Variants in BAIAP2 observed in about 807,000 individuals in gnomAD.
BAIAP2 encodes BAR/IMD domain containing adaptor protein 2, also known as BAR/IMD domain-containing adapter protein 2.
In BAIAP2, 18 loss-of-function variants were observed where a neutral mutation model predicts 63.0. The ratio of observed to expected loss-of-function variants is 0.29; its 90% CI spans 0.20 to 0.42. BAIAP2 has a LOEUF of 0.42. Ranked by LOEUF, BAIAP2 falls within the 10% of genes least tolerant of loss-of-function variation. The probability of loss-of-function intolerance (pLI) is 1.00; values close to 1 mark genes in which losing one functional copy is unlikely to be tolerated. For synonymous variants in BAIAP2, 386 were observed against 307.6 expected, an observed-to-expected ratio of 1.25 and a Z score of -2.67; for missense variants, 610 against 734.3, an observed-to-expected ratio of 0.83 and a Z score of 1.96.
At chr17:81,090,308 C>T (rs1385000741) in intron 6 of BAIAP2, among the ~76,000 whole-genome samples, 1 of 152,222 alleles carries the variant, frequency 6.6e-6, no homozygotes, top group Admixed American at 6.5e-5. Context: ...CAGGATGAGC[C>T]GACATCAACC....
At position 81,100,061 on chromosome 17, in the gene BAIAP2, C is replaced by T; in HGVS notation, c.623C>T (p.Ser208Phe). 6.2e-7 allele frequency: 1 copy of T among 1,611,200 alleles called. No homozygotes were observed. The highest frequency in any genetic ancestry group is 8.5e-7 in the Non-Finnish European group (1 of 1,179,500). ...VEKQCAVAKN[S>F]AAYHSKGKEL... Reference sequence around the variant, plus strand: ...AAGCAGTGCGCCGTGGCCAAGAACTCCGCGGCCTACCACTCCAAGGTGAGG... The same window carrying T: ...AAGCAGTGCGCCGTGGCCAAGAACTTCGCGGCCTACCACTCCAAGGTGAGG... Residue 208 changes from serine to phenylalanine, a missense_variant, in exon 7 of 14, where the codon TCC becomes TTC. Ser to Phe is a radical substitution (Grantham distance 155, BLOSUM62 -2). Transcript: ENST00000428708.
intron 7 of BAIAP2, among the ~76,000 whole-genome samples, chr17:81,102,519 C>T (rs1017359046): frequency 6.6e-6 from 1 of 152,224 alleles, no homozygotes; most frequent in Non-Finnish European, 1.5e-5. Context: ...ATGAATGATT[C>T]ACAAATCGAT....
chr17:81,056,183 C>A (rs1352433424), intron 2 of BAIAP2, among the ~76,000 whole-genome samples: 8 of 152,176 alleles, frequency 5.3e-5, no homozygotes, highest in African/African-American at 1.9e-4. Flanking sequence ...GGGCTTCCAA[C>A]TGTGGTGACC....
intron 13 of BAIAP2, 90 bp downstream of exon 13, chr17:81,108,599 C>G: frequency 5.9e-6 from 9 of 1,529,264 alleles, no homozygotes; most frequent in Non-Finnish European, 6.3e-6. Context: ...CCTGGGGCCA[C>G]CTCTTTTCCT....
In BAIAP2 at chr17:81,036,995, CG is replaced by C. The variant is rs139966410; in HGVS notation, c.54+1688del. The C allele has an allele frequency of 6.3e-4, 950 of 1,504,076 alleles. 6 individuals are homozygous for C. The African/African-American group carries it at 0.012, about 19-fold the overall frequency. The allele number at this position is 1,504,076 out of a possible 1,614,324, so 93.2% of individuals were successfully genotyped here. Reference sequence around the variant, plus strand: ...ATGGAGTGGTTTTGCTCTGGGGGACCGACCCCGTGATCGTCCTTAATAAAAC... The same window carrying C: ...ATGGAGTGGTTTTGCTCTGGGGGACCACCCCGTGATCGTCCTTAATAAAAC... On this transcript the variant is annotated intron_variant, in intron 1 of 13. Coordinates refer to ENST00000428708, the MANE Select transcript of BAIAP2 (RefSeq NM_001144888.2).
At position 81,046,243 on chromosome 17, in the gene BAIAP2, C is replaced by A. The variant is rs899700751; in HGVS notation, c.55-7425C>A. On this transcript the variant is annotated intron_variant, in intron 1 of 13. Transcript: ENST00000428708. The surrounding 1 kb of genome is among the most constrained non-coding windows in gnomAD (Gnocchi z 4.5). ...TCCTAACCCTGCGCGCCGTTTCCTC[C>A]CAGAAACTTCCATGCATCCCCTCGT... 3.9e-5 allele frequency among the ~76,000 whole-genome samples: 6 copies of A among 152,102 alleles called. No individual in the cohort carries two copies. The highest frequency in any genetic ancestry group is 1.4e-4 in the African/African-American group (6 of 41,412).
intron 3 of BAIAP2, among the ~76,000 whole-genome samples, chr17:81,071,111 T>C (rs12603750): frequency 0.18 from 26,889 of 150,818 alleles, 2,705 homozygotes; most frequent in Middle Eastern, 0.3. Flanking sequence ...TTTTTTTTTT[T>C]CCCCCATTGG....
chr17:81,073,914 G>T (rs942619295), intron 3 of BAIAP2, among the ~76,000 whole-genome samples: 6 of 152,208 alleles, frequency 3.9e-5, no homozygotes, highest in African/African-American at 1.4e-4. Context: ...TTAAGCCCGT[G>T]TATCACTTAT....
rs538679660 is a variant in BAIAP2 at position 81,047,065 on chromosome 17, C to T, written c.55-6603C>T. Among the ~76,000 whole-genome samples, 685 of 152,348 alleles carry T rather than the reference C, an allele frequency of 4.5e-3. 3 individuals are homozygous for T. Among genetic ancestry groups the T allele is most frequent in the Middle Eastern group, 0.01 (3 of 294 alleles). On this transcript the variant is annotated intron_variant, in intron 1 of 13. Transcript: ENST00000428708. ...GTCCGTGGGCGAGGGAGTGGGTGGG[C>T]AGGGCCCCTCCCCTCAACAGTCAGC...
At chr17:81,068,808 G>A (rs765874095) in intron 3 of BAIAP2, among the ~76,000 whole-genome samples, 1 of 152,206 alleles carries the variant, frequency 6.6e-6, no homozygotes, top group Non-Finnish European at 1.5e-5. Flanking sequence ...GCCATATCTG[G>A]TTGCCAGTGT....
At chr17:81,100,794 C>T (rs1192733732) in intron 7 of BAIAP2, among the ~76,000 whole-genome samples, 1 of 152,132 alleles carries the variant, frequency 6.6e-6, no homozygotes, top group Non-Finnish European at 1.5e-5. Flanking sequence ...GTCCCTCCCT[C>T]ACTGCTCCAG....
In BAIAP2 at chr17:81,115,802, C is replaced by T; in HGVS notation, c.1568C>T (p.Thr523Ile). ...NPFAHVQLKP[T>I]VTNDRSAPLL... ...TTTGCCCACGTCCAGCTGAAGCCGA[C>T]AGTGACCAACGACAGGTCTGCCCCC... The change falls in exon 14 of 14, where the codon ACA becomes ATA. Residue 523 changes from threonine (T) to isoleucine (I), a missense_variant. By Grantham distance (89) the Thr-to-Ile change is moderately conservative. Coordinates refer to ENST00000428708, the MANE Select transcript of BAIAP2 (RefSeq NM_001144888.2). 1 of 1,613,578 alleles carries T rather than the reference C, an allele frequency of 6.2e-7. No individual in the cohort carries two copies. Among genetic ancestry groups the T allele is most frequent in the Non-Finnish European group, 8.5e-7 (1 of 1,180,022 alleles).
intron 3 of BAIAP2, 148 bp downstream of exon 3, chr17:81,058,115 G>A: frequency 1.4e-6 from 1 of 710,150 alleles, no homozygotes; most frequent in Non-Finnish European, 2.3e-6. Flanking sequence ...CACCCTGGGA[G>A]CTGCCTTGTG....
rs547572860 is a variant in BAIAP2 at position 81,074,729 on chromosome 17, T to C, written c.218-10103T>C. On this transcript the variant is annotated intron_variant, in intron 3 of 13. Coordinates refer to ENST00000428708, the MANE Select transcript of BAIAP2 (RefSeq NM_001144888.2). ...ATGCGTGTCTGTGCGTCTGTGTGCG[T>C]GCACAGATGCGTGTGAGTGCCTGTG... Among the ~76,000 whole-genome samples the C allele has an allele frequency of 1.6e-4, 24 of 151,360 alleles. 1 individual carries two copies. The South Asian group carries it at 4.4e-3, about 28-fold the overall frequency.
At chr17:81,092,304 C>T (rs1054174239) in intron 6 of BAIAP2, among the ~76,000 whole-genome samples, 25 of 152,144 alleles carry the variant, frequency 1.6e-4, no homozygotes, top group Admixed American at 9.8e-4. Context: ...AGGCCGAGGC[C>T]CCCGATGCGC....
intron 3 of BAIAP2, among the ~76,000 whole-genome samples, chr17:81,082,090 AGACTGATCCAGCAT>A (rs1240309601): frequency 3.3e-5 from 5 of 151,910 alleles, no homozygotes; most frequent in Non-Finnish European, 7.4e-5. Context: ...GTGGTCCTGG[AGACTGATCCAGCAT>A]GACCTACCTG....
At chr17:81,098,141 G>A (rs1317112600) in intron 6 of BAIAP2, 10 of 1,460,258 alleles carry the variant, frequency 6.8e-6, no homozygotes, top group Non-Finnish European at 9.1e-6. Context: ...AGGGACAGAG[G>A]CAGAGAGCCC....
chr17:81,057,592 C>A (rs1445330657), intron 2 of BAIAP2: 4 of 1,107,226 alleles, frequency 3.6e-6, no homozygotes, highest in Non-Finnish European at 3.3e-6. Context: ...TGCCTGGTAG[C>A]ACGTGATAGG....
chr17:81,070,910 G>A (rs1469451208), intron 3 of BAIAP2, among the ~76,000 whole-genome samples: 1 of 152,188 alleles, frequency 6.6e-6, no homozygotes. Flanking sequence ...TTGGAGTGGT[G>A]GCTCAGGACA....
Sources: allele counts gnomAD v4.1 joint callset (sites outside exome capture counted in the v4.1 genomes callset), GRCh38; gene constraint gnomAD v4.1.1; non-coding constraint Gnocchi (gnomAD v3.1); transcripts MANE v1.5; gene names NCBI Gene and HGNC (gene_info 2026-07-23, HGNC 2026-07-21).